The following DMGDH variants were observed in gnomAD, a reference collection of about 807,000 sequenced individuals.
DMGDH encodes the protein dimethylglycine dehydrogenase, mitochondrial.
DMGDH carries 76 observed loss-of-function variants against 95.2 expected under a neutral mutation model. The observed-to-expected ratio is 0.80, with a 90% CI of 0.66 to 0.97. The LOEUF (loss-of-function observed/expected upper bound fraction) is 0.97, where lower values mean the gene tolerates loss of function less well. DMGDH is among the 50% of genes least tolerant of loss of function. The pLI is 0.00. For synonymous variants in DMGDH, 345 were observed against 377.6 expected (o/e 0.91, Z 1.00); for missense variants, 987 against 1,055.0 (o/e 0.94, Z 0.89).
chr5:79,040,627 A>C (rs1206992024), intron 7 of DMGDH, among the ~76,000 whole-genome samples: 1 of 152,236 alleles, frequency 6.6e-6, no homozygotes, highest in Admixed American at 6.5e-5. Flanking sequence ...ATCAAAATTA[A>C]AAAGTTTTGT....
intron 13 of DMGDH, among the ~76,000 whole-genome samples, chr5:79,024,913 TTTG>T (rs1255118731): frequency 6.6e-6 from 1 of 152,234 alleles, no homozygotes; most frequent in Non-Finnish European, 1.5e-5. Context: ...CTTTCTTCGT[TTTG>T]TTGTTTTCTT....
intron 7 of DMGDH, among the ~76,000 whole-genome samples, chr5:79,034,779 C>T (rs186116870): frequency 1.3e-5 from 2 of 152,222 alleles, no homozygotes; most frequent in Admixed American, 6.5e-5. Context: ...TTTCTCAGGC[C>T]GGGCGCGATG....
At chr5:79,005,492 C>T (rs1753531049) in intron 14 of DMGDH, 85 bp from the exon 15 acceptor site, 1 of 1,565,778 alleles carries the variant, frequency 6.4e-7, no homozygotes. Context: ...ATTTGTCTTT[C>T]CTATTTTCTC....
intron 14 of DMGDH, chr5:79,020,839 C>T (rs535252551): frequency 2.0e-6 from 2 of 985,356 alleles, no homozygotes; most frequent in Admixed American, 6.1e-5. Flanking sequence ...CAACACATTA[C>T]GTTTAATACT....
At chr5:79,035,552 T>C (rs558196659) in intron 7 of DMGDH, among the ~76,000 whole-genome samples, 2 of 152,326 alleles carry the variant, frequency 1.3e-5, no homozygotes, top group African/African-American at 4.8e-5. Flanking sequence ...TAGTTCTCAG[T>C]CTTTGTTCAG....
At chr5:79,005,559 CT>C in intron 14 of DMGDH, 152 bp from the exon 15 acceptor site, 2 of 1,124,184 alleles carry the variant, frequency 1.8e-6, no homozygotes, top group Non-Finnish European at 2.6e-6. Context: ...ACAAATATTT[CT>C]TAGTCCTCAA....
chr5:79,001,602 C>T (rs940156408), intron 15 of DMGDH, among the ~76,000 whole-genome samples: 17 of 152,158 alleles, frequency 1.1e-4, no homozygotes, highest in South Asian at 2.1e-4. Context: ...GAGACCTAGG[C>T]CAGTCTCAGG....
Position 79,020,839 on chromosome 5 carries a change from C to A in DMGDH, c.2250+3432G>T, listed in dbSNP as rs535252551. On this transcript the variant is annotated intron_variant, in intron 14 of 15. Coordinates refer to ENST00000255189, the MANE Select transcript of DMGDH (RefSeq NM_013391.3). ...TCTTCTGATGTGCTTCAACACATTA[C>A]GTTTAATACTTGAGTCTCTGTGAAT... 14 of 985,356 alleles carry A rather than the reference C, an allele frequency of 1.4e-5. No individual in the cohort carries two copies. In the South Asian group the frequency reaches 6.6e-4, roughly 46 times the overall value. The allele number at this position is 985,356 out of a possible 1,614,324, so 61.0% of individuals were successfully genotyped here.
chr5:79,052,070 T>C (rs1205029745), intron 4 of DMGDH, among the ~76,000 whole-genome samples: 3 of 152,216 alleles, frequency 2.0e-5, no homozygotes, highest in Non-Finnish European at 4.4e-5. Context: ...GAAATAACTG[T>C]GTAGTTTTGT....
chr5:79,063,583 G>A (rs183405405), intron 2 of DMGDH, 30 bp downstream of exon 2: 35 of 1,613,926 alleles, frequency 2.2e-5, no homozygotes, highest in Non-Finnish European at 2.8e-5. Flanking sequence ...ACAATTCCAC[G>A]CTTATGACAG....
rs552676859 is a variant in DMGDH, at chr5:79,017,620, A to G, written c.2250+6651T>C. On this transcript the variant is annotated intron_variant, in intron 14 of 15. Transcript: ENST00000255189. ...ACGGTTTCTTACAAAGTTACCATAC[A>G]CTTTCATTTTATTCAGTCATTTCAC... Among the ~76,000 whole-genome samples the G allele has an allele frequency of 2.9e-4, 44 of 152,296 alleles. 2 individuals are homozygous for G. Among genetic ancestry groups the G allele is most frequent in the African/African-American group, 9.9e-4 (41 of 41,570 alleles).
intron 14 of DMGDH, chr5:79,021,527 T>C: frequency 7.8e-7 from 1 of 1,283,340 alleles, no homozygotes; most frequent in Non-Finnish European, 1.0e-6. Flanking sequence ...GCCGTCTCCC[T>C]TTGTGATGAA....
Position 79,028,451 on chromosome 5 carries a change from T to C in DMGDH, c.2014A>G (p.Ile672Val), listed in dbSNP as rs1561214644. The C allele has an allele frequency of 1.9e-6, 3 of 1,613,236 alleles. No individual in the cohort carries two copies. Among genetic ancestry groups the C allele is most frequent in the Non-Finnish European group, 1.7e-6 (2 of 1,179,188 alleles). The change falls in exon 12 of 16, where the codon ATT becomes GTT. Residue 672 changes from isoleucine to valine, a missense_variant. Transcript: ENST00000255189. ...ATCTTACCAGTATAAGATATCCTAA[T>C]AGCAGTGACAGGAATGTTGGAAACC... The part of the protein sequence containing the change: ...LKVSNIPVTA[I>V]RISYTGELGW...
rs765148739 is a variant in DMGDH, at chr5:79,042,323, G to A, written c.1153C>T (p.His385Tyr). The A allele has an allele frequency of 3.1e-6, 5 of 1,614,168 alleles. No individual in the cohort carries two copies. The South Asian group carries it at 3.3e-5, about 11-fold the overall frequency. Reference protein sequence around the residue: ...SPDILPMVGPHQGVRNYWVAI... With the variant: ...SPDILPMVGPYQGVRNYWVAI... ...ACCCAGTAGTTTCTGACCCCCTGAT[G>A]GGGCCCCACCATAGGCAGAATGTCA... is the stretch of plus-strand genomic sequence containing the variant. The change falls in exon 7 of 16, where the codon CAT becomes TAT. Residue 385 changes from histidine to tyrosine, a missense_variant. By Grantham distance (83) the His-to-Tyr change is moderately conservative. Transcript: ENST00000255189.
At chr5:78,998,354 T>A in intron 15 of DMGDH, 57 bp from the exon 16 acceptor site, 1 of 1,532,458 alleles carries the variant, frequency 6.5e-7, no homozygotes, top group Non-Finnish European at 8.9e-7. Context: ...GTGCTCCTCA[T>A]CTCTGGGTGA....
intron 14 of DMGDH, among the ~76,000 whole-genome samples, chr5:79,022,490 T>C (rs1420525285): frequency 6.6e-6 from 1 of 152,202 alleles, no homozygotes; most frequent in African/African-American, 2.4e-5. Context: ...ATTGACATAA[T>C]TGAAAAAGAC....
At chr5:79,039,449 T>C (rs1754441293) in intron 7 of DMGDH, among the ~76,000 whole-genome samples, 1 of 151,768 alleles carries the variant, frequency 6.6e-6, no homozygotes, top group Non-Finnish European at 1.5e-5. Flanking sequence ...CAGTAAACTA[T>C]CGCAACGACA....
chr5:79,018,400 A>T (rs913210651), intron 14 of DMGDH, among the ~76,000 whole-genome samples: 25 of 152,242 alleles, frequency 1.6e-4, no homozygotes, highest in African/African-American at 6.0e-4. Context: ...AAGAATTAAC[A>T]CACAAAAAAA....
At chr5:79,029,238 C>T (rs1267657227) in intron 11 of DMGDH, among the ~76,000 whole-genome samples, 3 of 152,098 alleles carry the variant, frequency 2.0e-5, no homozygotes, top group Admixed American at 2.0e-4. Context: ...CAAAGCTAAG[C>T]TATTAAGATG....
Sources: allele counts gnomAD v4.1 joint callset (sites outside exome capture counted in the v4.1 genomes callset), GRCh38; gene constraint gnomAD v4.1.1; transcripts MANE v1.5; gene names NCBI Gene and HGNC (gene_info 2026-07-23, HGNC 2026-07-21).